CDH23: variants seen among roughly 807,000 people sequenced by gnomAD.
CDH23 encodes cadherin-23.
In CDH23, 189 loss-of-function variants were observed where a neutral mutation model predicts 317.1. The observed-to-expected ratio is 0.60, with a 90% CI of 0.53 to 0.67. The LOEUF (loss-of-function observed/expected upper bound fraction) is 0.67, where lower values mean the gene tolerates loss of function less well. Among genes scored for constraint, CDH23 ranks in the 30% least tolerant of loss-of-function variants. The probability of loss-of-function intolerance (pLI) is 0.00; values close to 1 mark genes in which losing one functional copy is unlikely to be tolerated. For synonymous variants in CDH23, 1,839 were observed against 1,876.8 expected (o/e 0.98, Z 0.52); for missense variants, 4,401 against 4,592.4 (o/e 0.96, Z 1.20).
At position 71,731,526 on chromosome 10, in the gene CDH23, G is replaced by A. The variant is rs149789088; in HGVS notation, c.3716-461G>A. ...GTTTCAAGGCACAGGAATTTGGGGC[G>A]TAGGGAGTGGGGAGGATGGGGGAAG... On this transcript the variant is annotated intron_variant, in intron 31 of 69. Coordinates refer to ENST00000224721, the MANE Select transcript of CDH23 (RefSeq NM_022124.6). 3.4e-3 allele frequency among the ~76,000 whole-genome samples: 523 copies of A among 152,278 alleles called. 3 individuals carry two copies. The highest frequency in any genetic ancestry group is 6.8e-3 in the Middle Eastern group (2 of 294).
Position 71,810,284 on chromosome 10 carries a change from T to C in CDH23, c.8980-188T>C, listed in dbSNP as rs11000012. Among the ~76,000 whole-genome samples, 4,319 of 152,278 alleles carry C rather than the reference T, an allele frequency of 0.028. 204 individuals carry two copies. The highest frequency in any genetic ancestry group is 0.099 in the African/African-American group (4,120 of 41,520). ...CTCTTCCATAAAATGGGGCCAATAA[T>C]AAATAGTACCTGGCCAAGTGTGGAT... On this transcript the variant is annotated intron_variant, in intron 61 of 69. Coordinates refer to ENST00000224721, the MANE Select transcript of CDH23 (RefSeq NM_022124.6).
intron 11 of CDH23, among the ~76,000 whole-genome samples, chr10:71,627,766 C>A (rs192942455): frequency 6.6e-6 from 1 of 152,338 alleles, no homozygotes; most frequent in Admixed American, 6.5e-5. Context: ...CCACGGCCAC[C>A]CACACTCCTG....
At chr10:71,780,045 T>G (rs183539234) in intron 41 of CDH23, among the ~76,000 whole-genome samples, 190 of 152,372 alleles carry the variant, frequency 1.2e-3, no homozygotes, top group African/African-American at 4.4e-3. Flanking sequence ...CAGTGGGGAC[T>G]GCGCAGCCAC....
At chr10:71,643,526 G>C (rs1035204285) in intron 11 of CDH23, among the ~76,000 whole-genome samples, 1 of 151,736 alleles carries the variant, frequency 6.6e-6, no homozygotes, top group Non-Finnish European at 1.5e-5. Context: ...TTCTGGGTGA[G>C]AGTGGACAGA....
rs1861235107 is a variant in CDH23 at position 71,617,225 on chromosome 10, C to T, written c.966C>T (p.Asp322=). ...LTVKGTELND[D]RTPSDATVTT... is the part of the protein sequence containing the mutation. ...CATAGGGCACGGAGCTGAACGATGACCGCACCCCATCTGACGCTACAGTCA... is the reference window on the plus strand; with the variant it reads ...CATAGGGCACGGAGCTGAACGATGATCGCACCCCATCTGACGCTACAGTCA... The change falls in exon 11 of 70, where the codon GAC becomes GAT. Residue 322 remains aspartate (D), a synonymous_variant. Coordinates refer to ENST00000224721, the MANE Select transcript of CDH23 (RefSeq NM_022124.6). 1.2e-6 allele frequency: 2 copies of T among 1,613,732 alleles called. No homozygotes were observed. Among genetic ancestry groups the T allele is most frequent in the South Asian group, 1.1e-5 (1 of 91,072 alleles).
At position 71,588,421 on chromosome 10, in the gene CDH23, G is replaced by A. The variant is rs573846770; in HGVS notation, c.832+10429G>A. Among the ~76,000 whole-genome samples the A allele has an allele frequency of 2.0e-5, 3 of 148,100 alleles. No individual in the cohort carries two copies. The South Asian group carries it at 6.2e-4, about 31-fold the overall frequency. On this transcript the variant is annotated intron_variant, in intron 9 of 69. Coordinates refer to ENST00000224721, the MANE Select transcript of CDH23 (RefSeq NM_022124.6). ...TCTGTGAAATGGGAATATTCATAGGGTTATTTTAAGCGTCAGATGAGTTAA... is the reference window on the plus strand; with the variant it reads ...TCTGTGAAATGGGAATATTCATAGGATTATTTTAAGCGTCAGATGAGTTAA...
chr10:71,643,052 C>A (rs1189316324), intron 11 of CDH23, among the ~76,000 whole-genome samples: 1 of 152,224 alleles, frequency 6.6e-6, no homozygotes, highest in East Asian at 1.9e-4. Flanking sequence ...AGAATAGTGC[C>A]TGACCAAGAG....
intron 6 of CDH23, among the ~76,000 whole-genome samples, chr10:71,515,386 T>TCACA (rs1854241737): frequency 7.6e-6 from 1 of 132,312 alleles, no homozygotes; most frequent in African/African-American, 3.0e-5. Flanking sequence ...TCTCTCTCTC[T>TCACA]CTCTCTCTCA....
rs2132965935 is a variant in CDH23, at chr10:71,798,529, G to A, written c.7005G>A (p.Leu2335=). The A allele has an allele frequency of 1.9e-6, 3 of 1,613,662 alleles. No individual in the cohort carries two copies. Among genetic ancestry groups the A allele is most frequent in the Non-Finnish European group, 2.5e-6 (3 of 1,179,726 alleles). Residue 2335 remains leucine, a synonymous_variant, in exon 50 of 70, where the codon CTG becomes CTA. Coordinates refer to ENST00000224721, the MANE Select transcript of CDH23 (RefSeq NM_022124.6). ...TTAATGGGCTGGTCACCTACACCCTGCTGGACCTGGTGCCCCCAGGGTATG... is the reference window on the plus strand; with the variant it reads ...TTAATGGGCTGGTCACCTACACCCTACTGGACCTGGTGCCCCCAGGGTATG... ...KGLNGLVTYT[L]LDLVPPGYVQ... is the part of the protein sequence containing the mutation.
intron 9 of CDH23, among the ~76,000 whole-genome samples, chr10:71,609,328 A>G (rs1038547195): frequency 2.3e-4 from 35 of 151,308 alleles, no homozygotes; most frequent in Admixed American, 1.6e-3. Flanking sequence ...GACCACCTAG[A>G]AAACAGCAGA....
At chr10:71,557,264 T>A (rs1235295410) in intron 6 of CDH23, among the ~76,000 whole-genome samples, 1 of 152,266 alleles carries the variant, frequency 6.6e-6, no homozygotes, top group African/African-American at 2.4e-5. Context: ...TGTTTGTTTC[T>A]TAGTGTTCCT....
At chr10:71,411,207 G>A (rs1848329895) in intron 1 of CDH23, among the ~76,000 whole-genome samples, 1 of 152,182 alleles carries the variant, frequency 6.6e-6, no homozygotes, top group South Asian at 2.1e-4. Context: ...TCAAAAATAT[G>A]TAAGTCAATT....
intron 8 of CDH23, among the ~76,000 whole-genome samples, chr10:71,574,625 G>A (rs1000625634): frequency 2.6e-5 from 4 of 152,220 alleles, no homozygotes; most frequent in East Asian, 3.9e-4. Flanking sequence ...GGGGTGTCCC[G>A]GCTGAGCTTG....
At chr10:71,756,885 C>T (rs1032725819) in intron 38 of CDH23, among the ~76,000 whole-genome samples, 2 of 152,196 alleles carry the variant, frequency 1.3e-5, no homozygotes, top group African/African-American at 2.4e-5. Flanking sequence ...AATCCGACAG[C>T]GTAAACAAGC....
intron 30 of CDH23, among the ~76,000 whole-genome samples, chr10:71,726,622 C>G (rs1372386850): frequency 6.6e-6 from 1 of 152,236 alleles, no homozygotes; most frequent in Non-Finnish European, 1.5e-5. Context: ...GATGGAGACT[C>G]AGACACAGTA....
intron 9 of CDH23, among the ~76,000 whole-genome samples, chr10:71,613,102 G>A (rs567185639): frequency 2.0e-5 from 3 of 152,266 alleles, no homozygotes; most frequent in East Asian, 1.9e-4. Flanking sequence ...GCCCATCTCC[G>A]CCTCCCAAAG....
chr10:71,681,131 C>A (rs1341933435), intron 17 of CDH23, among the ~76,000 whole-genome samples: 2 of 151,988 alleles, frequency 1.3e-5, no homozygotes, highest in Non-Finnish European at 2.9e-5. Flanking sequence ...CCTGGCCCAT[C>A]CCTCTTTCAA....
chr10:71,808,037 T>C (rs1841793105), intron 60 of CDH23, 30 bp downstream of exon 60: 1 of 1,562,564 alleles, frequency 6.4e-7, no homozygotes, highest in East Asian at 2.4e-5. Flanking sequence ...GAGTGGCCTC[T>C]AGCCATGACC....
At chr10:71,682,702 G>C in intron 18 of CDH23, 130 bp downstream of exon 18, 2 of 1,194,662 alleles carry the variant, frequency 1.7e-6, no homozygotes, top group Non-Finnish European at 2.4e-6. Flanking sequence ...AGTTTACCCA[G>C]CCATCTGTCC....
Sources: gnomAD v4.1 joint callset for allele counts (sites outside exome capture counted in the v4.1 genomes callset) on GRCh38, gnomAD v4.1.1 for gene constraint, MANE v1.5 for transcripts, NCBI Gene and HGNC (gene_info 2026-07-23, HGNC 2026-07-21) for gene names.